Variants in MAP3K13 observed in about 807,000 individuals in gnomAD.
MAP3K13 encodes leucine zipper-bearing kinase.
MAP3K13 carries 52 observed loss-of-function variants against 104.0 expected under a neutral mutation model. The observed-to-expected ratio is 0.50, with a 90% confidence interval of 0.40 to 0.63. The LOEUF is 0.63. Among genes scored for constraint, MAP3K13 ranks in the 20% least tolerant of loss-of-function variants. The probability of loss-of-function intolerance (pLI) is 0.00; values close to 1 mark genes in which losing one functional copy is unlikely to be tolerated. For missense variants in MAP3K13, 914 were observed against 1,218.5 expected (o/e 0.75, Z 3.72); for synonymous variants, 394 against 442.2 (o/e 0.89, Z 1.37).
At position 185,437,622 on chromosome 3, in the gene MAP3K13, C is replaced by T. The variant is rs201661347; in HGVS notation, c.651C>T (p.Ile217=). ...HLRKLKHPNI[I]AFKGVCTQAP... ...GGAAGTTGAAGCACCCTAACATCATCGCATTCAAGTAGGTCAAGGCTTTTT... is the reference window on the plus strand; with the variant it reads ...GGAAGTTGAAGCACCCTAACATCATTGCATTCAAGTAGGTCAAGGCTTTTT... The change falls in exon 3 of 14, where the codon ATC becomes ATT. Residue 217 remains isoleucine, a synonymous_variant. Coordinates refer to ENST00000265026, the MANE Select transcript of MAP3K13 (RefSeq NM_004721.5). 13 of 1,591,644 alleles carry T rather than the reference C, an allele frequency of 8.2e-6. No individual in the cohort carries two copies. The highest frequency in any genetic ancestry group is 4.5e-5 in the East Asian group (2 of 44,284).
chr3:185,309,698 C>T (rs1380436517), intron 2 of MAP3K13, among the ~76,000 whole-genome samples: 1 of 152,128 alleles, frequency 6.6e-6, no homozygotes. Flanking sequence ...GGCAAAGATT[C>T]ACTGATTATG....
chr3:185,358,565 T>C (rs1283026952), upstream of MAP3K13, among the ~76,000 whole-genome samples: 4 of 152,226 alleles, frequency 2.6e-5, no homozygotes, highest in East Asian at 7.7e-4. Flanking sequence ...AGTGAACTTA[T>C]AAGAATGTTT....
chr3:185,381,453 A>T (rs1724717289), intron 1 of MAP3K13, among the ~76,000 whole-genome samples: 1 of 152,222 alleles, frequency 6.6e-6, no homozygotes. Context: ...GTGCTTTTAA[A>T]GTCATTTGCA....
intron 6 of MAP3K13, among the ~76,000 whole-genome samples, 187 bp from the exon 7 acceptor site, chr3:185,451,100 A>G (rs961271585): frequency 1.3e-5 from 2 of 152,240 alleles, no homozygotes; most frequent in Admixed American, 6.5e-5. Flanking sequence ...AAAAAAAAGA[A>G]AAAAAGAAAT....
At chr3:185,465,725 G>A (rs1230502497) in intron 8 of MAP3K13, 22 bp from the exon 9 acceptor site, 1 of 1,573,190 alleles carries the variant, frequency 6.4e-7, no homozygotes, top group South Asian at 1.1e-5. Flanking sequence ...TGGCTGGGCT[G>A]ACCCTGTGTT....
At chr3:185,464,754 T>C (rs1387555460) in intron 8 of MAP3K13, among the ~76,000 whole-genome samples, 2 of 152,130 alleles carry the variant, frequency 1.3e-5, no homozygotes, top group Non-Finnish European at 2.9e-5. Flanking sequence ...CTGGATAATA[T>C]ATAAACAACA....
chr3:185,455,532 A>ACATATATATGATGTATAT (rs1473879835), intron 7 of MAP3K13, among the ~76,000 whole-genome samples: 5 of 31,032 alleles, frequency 1.6e-4, no homozygotes, highest in Admixed American at 4.9e-4. Context: ...GATATATATG[A>ACATATATATGATGTATAT]GATATATATG....
chr3:185,385,040 C>T (rs546997997), intron 1 of MAP3K13, among the ~76,000 whole-genome samples: 15 of 152,178 alleles, frequency 9.9e-5, no homozygotes, highest in African/African-American at 3.4e-4. Context: ...GAAGCATTTC[C>T]TTGATATTTT....
rs1477534904 is a variant in MAP3K13, at chr3:185,485,748, G to C, written c.*3292G>C. The C allele has an allele frequency of 6.6e-6, 1 of 152,080 alleles. No homozygotes were observed. The highest frequency in any genetic ancestry group is 2.4e-5 in the African/African-American group (1 of 41,418). 9.4% of individuals were successfully genotyped at this position (152,080 alleles called of 1,614,324 possible). ...TAGAAAAAAAAACATAGTATATATA[G>C]GGTTTGGTACTATCAGAGTTTTTAG... On this transcript the variant is annotated 3_prime_UTR_variant, in exon 14 of 14. Transcript: ENST00000265026.
At chr3:185,395,680 CTTTTAT>C (rs944906906) in intron 1 of MAP3K13, among the ~76,000 whole-genome samples, 2 of 129,998 alleles carry the variant, frequency 1.5e-5, no homozygotes, top group African/African-American at 2.7e-5. Context: ...TCTAATTCAT[CTTTTAT>C]TTTTATTTTT....
At chr3:185,318,561 G>A (rs762895948) in intron 2 of MAP3K13, among the ~76,000 whole-genome samples, 6 of 152,096 alleles carry the variant, frequency 3.9e-5, no homozygotes, top group African/African-American at 1.2e-4. Context: ...CTCACATATG[G>A]TGCCTCATAA....
At chr3:185,439,527 A>AG (rs964814178) in intron 3 of MAP3K13, among the ~76,000 whole-genome samples, 2 of 152,078 alleles carry the variant, frequency 1.3e-5, no homozygotes, top group African/African-American at 4.8e-5. Flanking sequence ...AAGGGTCAAA[A>AG]GCTTTTAAAC....
intron 1 of MAP3K13, among the ~76,000 whole-genome samples, chr3:185,368,940 T>G (rs905292526): frequency 4.8e-5 from 6 of 126,168 alleles, no homozygotes; most frequent in African/African-American, 1.8e-4. Context: ...GCCTGGGCAA[T>G]AAGAGTGAAA....
chr3:185,371,388 T>C (rs927397644), intron 1 of MAP3K13, among the ~76,000 whole-genome samples: 2 of 152,242 alleles, frequency 1.3e-5, no homozygotes, highest in African/African-American at 4.8e-5. Context: ...AATGCAATCA[T>C]GTGTTGCAGG....
At chr3:185,415,907 A>G (rs1216709731) in intron 1 of MAP3K13, among the ~76,000 whole-genome samples, 1 of 152,110 alleles carries the variant, frequency 6.6e-6, no homozygotes, top group Non-Finnish European at 1.5e-5. Context: ...AAATACTACA[A>G]CTACGTAGTA....
rs896219395 is a variant in MAP3K13, at chr3:185,451,319, G to A, written c.1202G>A (p.Arg401Gln). 21 of 1,612,288 alleles carry A rather than the reference G, an allele frequency of 1.3e-5. No homozygotes were observed. Among genetic ancestry groups the A allele is most frequent in the Admixed American group, 3.3e-5 (2 of 59,790 alleles). The change falls in exon 7 of 14, where the codon CGG becomes CAG. Residue 401 changes from arginine to glutamine, a missense_variant. Around this residue, in one of 3 missense-constraint regions of MAP3K13, gnomAD observed 583 missense variants for 737.4 expected, o/e 0.79. Transcript: ENST00000265026. ...AAACCTCGAAACCGACCTTCTTTTC[G>A]GCAGACACTCATGCATTTAGACATT... ...QSKPRNRPSFRQTLMHLDIAS... is the reference protein window; with the variant it reads ...QSKPRNRPSFQQTLMHLDIAS...
Position 185,482,396 on chromosome 3 carries a change from T to C in MAP3K13, c.2841T>C (p.Asp947=), listed in dbSNP as rs1227866500. ...QFEESDCDSS[D]GECSDATVRT... ...AAGAATCGGACTGTGACTCTTCAGATGGGGAGTGTTCTGATGCCACAGTTA... is the reference window on the plus strand; with the variant it reads ...AAGAATCGGACTGTGACTCTTCAGACGGGGAGTGTTCTGATGCCACAGTTA... Residue 947 remains aspartate, a synonymous_variant, in exon 14 of 14, where the codon GAT becomes GAC. Coordinates refer to ENST00000265026, the MANE Select transcript of MAP3K13 (RefSeq NM_004721.5). The surrounding 1 kb of genome is among the most constrained non-coding windows in gnomAD (Gnocchi z 4.5). 2 of 1,614,080 alleles carry C rather than the reference T, an allele frequency of 1.2e-6. No individual in the cohort carries two copies. Among genetic ancestry groups the C allele is most frequent in the Non-Finnish European group, 1.7e-6 (2 of 1,180,028 alleles).
At chr3:185,332,406 T>G (rs1027868397) in intron 2 of MAP3K13, among the ~76,000 whole-genome samples, 14 of 152,238 alleles carry the variant, frequency 9.2e-5, no homozygotes, top group Admixed American at 8.5e-4. Flanking sequence ...TAATTGTGGT[T>G]AAAAATCCTA....
Position 185,485,678 on chromosome 3 carries a change from C to T in MAP3K13, c.*3222C>T, listed in dbSNP as rs1036551275. On this transcript the variant is annotated 3_prime_UTR_variant, in exon 14 of 14. Coordinates refer to ENST00000265026, the MANE Select transcript of MAP3K13 (RefSeq NM_004721.5). ...ATAATAGCCCCAAAGGGCAAGAGTG[C>T]TGTGCCTAATTTACAAATTAAATTT... 1.3e-5 allele frequency: 2 copies of T among 151,794 alleles called. No individual in the cohort carries two copies. Among genetic ancestry groups the T allele is most frequent in the South Asian group, 2.1e-4 (1 of 4,804 alleles). The allele number at this position is 151,794 out of a possible 1,614,324, so 9.4% of individuals were successfully genotyped here.
Sources: gnomAD v4.1 joint callset for allele counts (sites outside exome capture counted in the v4.1 genomes callset) on GRCh38, gnomAD v4.1.1 for gene constraint, gnomAD v4.1.1 regional missense constraint, Gnocchi (gnomAD v3.1) non-coding constraint, MANE v1.5 for transcripts, NCBI Gene and HGNC (gene_info 2026-07-23, HGNC 2026-07-21) for gene names.